Variants in CSMD1 observed in about 807,000 individuals in gnomAD.
The protein encoded by CSMD1 is CUB and Sushi multiple domains 1.
Under a neutral mutation model 417.5 loss-of-function variants are expected in CSMD1, and 213 were observed. The ratio of observed to expected loss-of-function variants is 0.51; its 90% CI spans 0.46 to 0.57. The LOEUF (loss-of-function observed/expected upper bound fraction) is 0.57. CSMD1 is among the 20% of genes least tolerant of loss of function. The pLI is 0.00. For missense variants in CSMD1, 6,923 were observed against 4,529.7 expected, an observed-to-expected ratio of 1.53 and a Z score of -15.17; for synonymous variants, 2,862 against 1,736.8, an observed-to-expected ratio of 1.65 and a Z score of -16.11.
chr8:4,390,305 A>T (rs570595850), intron 3 of CSMD1, among the ~76,000 whole-genome samples: 6 of 152,128 alleles, frequency 3.9e-5, no homozygotes, highest in African/African-American at 1.4e-4. Context: ...GTTATCTCTT[A>T]TTGAAGTTAA....
chr8:3,083,038 T>C (rs1439627157), intron 49 of CSMD1, among the ~76,000 whole-genome samples: 4 of 152,234 alleles, frequency 2.6e-5, no homozygotes, highest in Admixed American at 2.6e-4. Context: ...CGTGGAGTTC[T>C]AAACATTTTA....
intron 1 of CSMD1, among the ~76,000 whole-genome samples, chr8:4,768,905 A>C (rs1477690242): frequency 1.3e-5 from 2 of 152,232 alleles, no homozygotes; most frequent in African/African-American, 4.8e-5. Context: ...GTCTTCCAGC[A>C]ATCTTGATAG....
At chr8:3,573,462 T>C (rs1243390698) in intron 10 of CSMD1, among the ~76,000 whole-genome samples, 1 of 152,202 alleles carries the variant, frequency 6.6e-6, no homozygotes, top group African/African-American at 2.4e-5. Flanking sequence ...GAGGCTTTTG[T>C]CACAGCAAAG....
At chr8:4,850,430 C>T (rs922988666) in intron 1 of CSMD1, among the ~76,000 whole-genome samples, 79 of 63,792 alleles carry the variant, frequency 1.2e-3, no homozygotes, top group African/African-American at 3.9e-3. Flanking sequence ...TAAAAAACAT[C>T]TTTACTCTTT....
Position 4,686,605 on chromosome 8 carries a change from C to T in CSMD1, c.86-49047G>A, listed in dbSNP as rs931314822. Among the ~76,000 whole-genome samples, 5 of 152,226 alleles carry T rather than the reference C, an allele frequency of 3.3e-5. No individual in the cohort carries two copies. In the East Asian group the frequency reaches 7.7e-4, roughly 23 times the overall value. Reference sequence around the variant, plus strand: ...AAGTCCTTCGTCCAGTCTCACGTCCCGACGTCTGGCTACCTCTTCATCAAA... The same window carrying T: ...AAGTCCTTCGTCCAGTCTCACGTCCTGACGTCTGGCTACCTCTTCATCAAA... On this transcript the variant is annotated intron_variant, in intron 1 of 69. Transcript: ENST00000635120.
chr8:3,628,670 G>T (rs772768602), intron 7 of CSMD1, among the ~76,000 whole-genome samples: 4 of 151,946 alleles, frequency 2.6e-5, no homozygotes, highest in East Asian at 1.9e-4. Context: ...CCTCACAGGC[G>T]CCCCGAGAAG....
intron 3 of CSMD1, among the ~76,000 whole-genome samples, chr8:4,130,411 C>G (rs1803028031): frequency 6.6e-6 from 1 of 152,276 alleles, no homozygotes; most frequent in Middle Eastern, 3.4e-3. Flanking sequence ...CTTTTTTACT[C>G]TGCCTCACCG....
At chr8:3,414,900 A>G (rs750445695) in intron 12 of CSMD1, among the ~76,000 whole-genome samples, 1 of 152,110 alleles carries the variant, frequency 6.6e-6, no homozygotes, top group Non-Finnish European at 1.5e-5. Context: ...CCTGTATCCT[A>G]CGTGTCTCTA....
chr8:4,242,962 A>C (rs1269561875), intron 3 of CSMD1, among the ~76,000 whole-genome samples: 1 of 152,224 alleles, frequency 6.6e-6, no homozygotes, highest in Non-Finnish European at 1.5e-5. Context: ...GAAAAGTCAA[A>C]GTTTAAAATT....
chr8:3,212,947 G>T (rs1048422371), intron 30 of CSMD1, among the ~76,000 whole-genome samples: 2 of 150,614 alleles, frequency 1.3e-5, no homozygotes, highest in African/African-American at 4.9e-5. Context: ...TCCTGCCTCA[G>T]CCTCCCAAGT....
chr8:3,558,214 C>A (rs150568979), intron 10 of CSMD1, among the ~76,000 whole-genome samples: 1 of 148,358 alleles, frequency 6.7e-6, no homozygotes, highest in Non-Finnish European at 1.5e-5. Context: ...AGTAGTACCC[C>A]GTATCCCCTC....
chr8:4,438,635 C>A (rs1460216841), intron 2 of CSMD1, among the ~76,000 whole-genome samples: 1 of 152,116 alleles, frequency 6.6e-6, no homozygotes, highest in Non-Finnish European at 1.5e-5. Flanking sequence ...CTACATTATC[C>A]CATGGAGTAG....
chr8:4,182,833 T>C (rs930684772), intron 3 of CSMD1, among the ~76,000 whole-genome samples: 2 of 152,230 alleles, frequency 1.3e-5, no homozygotes, highest in Admixed American at 1.3e-4. Flanking sequence ...ATAAGGGTCA[T>C]TCTAATTATT....
intron 12 of CSMD1, among the ~76,000 whole-genome samples, chr8:3,429,096 T>G (rs175095): frequency 0.75 from 113,559 of 151,960 alleles, 42,717 homozygotes; most frequent in South Asian, 0.84. Flanking sequence ...CAGGTAGAAG[T>G]AAGAAGTTCT....
chr8:3,959,872 G>A (rs189921014), intron 5 of CSMD1, among the ~76,000 whole-genome samples: 2 of 152,308 alleles, frequency 1.3e-5, no homozygotes, highest in East Asian at 1.9e-4. Flanking sequence ...GGTATATAAC[G>A]TGTGATCTGC....
chr8:2,970,010 G>C (rs572267350), intron 57 of CSMD1, among the ~76,000 whole-genome samples: 1 of 152,072 alleles, frequency 6.6e-6, no homozygotes, highest in African/African-American at 2.4e-5. Flanking sequence ...AACTTATTTT[G>C]TGTATGCAGC....
At position 3,604,122 on chromosome 8, in the gene CSMD1, A is replaced by C. The variant is rs533535258; in HGVS notation, c.1097+12588T>G. On this transcript the variant is annotated intron_variant, in intron 8 of 69. Transcript: ENST00000635120. ...AAGCAGGCTCTGTACTGAACACTGG[A>C]AACATGATAGTGAATAAAACAAAGT... 3.4e-4 allele frequency among the ~76,000 whole-genome samples: 51 copies of C among 152,206 alleles called. 1 individual carries two copies. Among genetic ancestry groups the C allele is most frequent in the Admixed American group, 3.3e-3 (51 of 15,278 alleles).
intron 49 of CSMD1, among the ~76,000 whole-genome samples, chr8:3,071,647 A>G (rs1418050260): frequency 2.0e-5 from 3 of 152,242 alleles, no homozygotes; most frequent in Non-Finnish European, 4.4e-5. Flanking sequence ...AATAAATGCA[A>G]TATTCATTCC....
intron 48 of CSMD1, among the ~76,000 whole-genome samples, chr8:3,087,728 C>T (rs986301803): frequency 7.9e-5 from 12 of 152,204 alleles, no homozygotes; most frequent in African/African-American, 2.7e-4. Flanking sequence ...TCATCCTGCG[C>T]TGTATGCAGC....
Sources: allele counts gnomAD v4.1 joint callset (sites outside exome capture counted in the v4.1 genomes callset), GRCh38; gene constraint gnomAD v4.1.1; transcripts MANE v1.5; gene names NCBI Gene and HGNC (gene_info 2026-07-23, HGNC 2026-07-21).